The following UGT1A9 variants were observed in gnomAD, a reference collection of about 807,000 sequenced individuals.
The protein encoded by UGT1A9 is UDP-glucuronosyltransferase 1A9.
A neutral mutation model predicts 45.0 loss-of-function variants in UGT1A9; 35 were observed. The observed-to-expected ratio is 0.78, with a 90% CI of 0.59 to 1.03. UGT1A9 has a LOEUF of 1.03. UGT1A9 is among the 50% of genes least tolerant of loss of function. The pLI is 0.00. For missense variants in UGT1A9, 687 were observed against 666.6 expected (o/e 1.03, Z -0.34); for synonymous variants, 278 against 250.6 (o/e 1.11, Z -1.03).
chr2:233,718,959 G>T (rs2076705502), intron 1 of UGT1A9: 9 of 1,614,212 alleles, frequency 5.6e-6, no homozygotes, highest in Non-Finnish European at 7.6e-6. Flanking sequence ...CATGCGGGAG[G>T]CCTTGCGGGA....
At chr2:233,724,599 T>C (rs1249789503) in intron 1 of UGT1A9, among the ~76,000 whole-genome samples, 2 of 100,788 alleles carry the variant, frequency 2.0e-5, no homozygotes, top group Non-Finnish European at 4.0e-5. Context: ...TCTCAGACGA[T>C]GGGCGGCCGG....
chr2:233,712,801 T>G (rs903788650), intron 1 of UGT1A9, among the ~76,000 whole-genome samples: 3 of 152,228 alleles, frequency 2.0e-5, no homozygotes, highest in Non-Finnish European at 4.4e-5. Flanking sequence ...GATCGGTCTT[T>G]CCCAGGGTGG....
In UGT1A9 at chr2:233,672,028, C is replaced by T. The variant is rs1359293949; in HGVS notation, c.94C>T (p.Pro32Ser). ...CGAGGCAGGGAAGCTACTGGTAGTG[C>T]CCATGGATGGGAGCCACTGGTTCAC... ...FAEAGKLLVV[P>S]MDGSHWFTMR... The change falls in exon 1 of 5, where the codon CCC becomes TCC. Residue 32 changes from proline to serine, a missense_variant. Coordinates refer to ENST00000354728, the MANE Select transcript of UGT1A9 (RefSeq NM_021027.3). 2 of 1,614,004 alleles carry T rather than the reference C, an allele frequency of 1.2e-6. No homozygotes were observed. Among genetic ancestry groups the T allele is most frequent in the African/African-American group, 1.3e-5 (1 of 74,906 alleles).
Position 233,769,751 on chromosome 2 carries a change from AG to A in UGT1A9, c.1295+1314del. 1 of 1,422,830 alleles carries A rather than the reference AG, an allele frequency of 7.0e-7. No homozygotes were observed. Among genetic ancestry groups the A allele is most frequent in the South Asian group, 1.5e-5 (1 of 65,502 alleles). 88.1% of individuals were successfully genotyped at this position (1,422,830 alleles called of 1,614,324 possible). On this transcript the variant is annotated intron_variant, in intron 4 of 4. Coordinates refer to ENST00000354728, the MANE Select transcript of UGT1A9 (RefSeq NM_021027.3). This position sits in a 1 kb window ranked among gnomAD's most constrained non-coding sequence, Gnocchi z 4.4. ...ACGCCTGTAGTCCCAGCCACTCTGGAGGCTAAGGCGGGAGGATTGCTTGAGC... is the reference window on the plus strand; with the variant it reads ...ACGCCTGTAGTCCCAGCCACTCTGGAGCTAAGGCGGGAGGATTGCTTGAGC...
intron 1 of UGT1A9, chr2:233,690,479 G>A (rs1407295100): frequency 5.4e-6 from 7 of 1,288,496 alleles, no homozygotes; most frequent in Non-Finnish European, 7.1e-6. Context: ...TTTACTTTTT[G>A]GGAAATCTGC....
At position 233,772,260 on chromosome 2, in the gene UGT1A9, A is replaced by G; in HGVS notation, c.1296-2A>G. 1 of 1,614,264 alleles carries G rather than the reference A, an allele frequency of 6.2e-7. No homozygotes were observed. Among genetic ancestry groups the G allele is most frequent in the Non-Finnish European group, 8.5e-7 (1 of 1,180,050 alleles). ...GCATAACGAAACTGTCTTTGTGTTT[A>G]GTTACAAGGAGAACATCATGCGCCT... On this transcript the variant is annotated splice_acceptor_variant, in intron 4 of 4. Transcript: ENST00000354728. LOFTEE classifies it high-confidence loss of function.
rs574418679 is a variant in UGT1A9 at position 233,719,623 on chromosome 2, C to T, written c.855+46834C>T. 4.0e-5 allele frequency: 64 copies of T among 1,614,006 alleles called. No individual in the cohort carries two copies. The highest frequency in any genetic ancestry group is 2.3e-4 in the African/African-American group (17 of 75,004). On this transcript the variant is annotated intron_variant, in intron 1 of 4. Transcript: ENST00000354728. ...GACTTTGTGATGGACTACCCCAGGC[C>T]GATCATGCCCAACATGGTCTTCATT...
At chr2:233,694,411 A>G (rs193114537) in intron 1 of UGT1A9, among the ~76,000 whole-genome samples, 1 of 152,274 alleles carries the variant, frequency 6.6e-6, no homozygotes, top group Admixed American at 6.5e-5. Context: ...GTGCCACAGA[A>G]GTATTTGGTC....
At chr2:233,734,487 G>T (rs1258869591) in intron 1 of UGT1A9, among the ~76,000 whole-genome samples, 1 of 151,866 alleles carries the variant, frequency 6.6e-6, no homozygotes, top group East Asian at 1.9e-4. Flanking sequence ...TGATTTTTTT[G>T]AAGGTTTTTT....
Position 233,712,532 on chromosome 2 carries a change from A to G in UGT1A9, c.855+39743A>G, listed in dbSNP as rs541231437. Among the ~76,000 whole-genome samples, 17 of 152,328 alleles carry G rather than the reference A, an allele frequency of 1.1e-4. No homozygotes were observed. The South Asian group carries it at 3.5e-3, about 32-fold the overall frequency. The stretch of plus-strand genomic sequence containing the variant: ...GCATTTTGGATGTGCTGTGTTACCC[A>G]TATGTGGGAAGAAAGAGTATTAAGA... On this transcript the variant is annotated intron_variant, in intron 1 of 4. Coordinates refer to ENST00000354728, the MANE Select transcript of UGT1A9 (RefSeq NM_021027.3).
chr2:233,749,297 T>C (rs761343175), intron 1 of UGT1A9, among the ~76,000 whole-genome samples: 35 of 151,972 alleles, frequency 2.3e-4, no homozygotes, highest in Non-Finnish European at 4.0e-4. Flanking sequence ...TATTCAATTA[T>C]AAAATATGTG....
chr2:233,771,399 T>C (rs972051776), intron 4 of UGT1A9: 1 of 152,180 alleles, frequency 6.6e-6, no homozygotes, highest in African/African-American at 2.4e-5. Flanking sequence ...GATTGGGCAA[T>C]GAACACTGTC....
chr2:233,771,969 G>T (rs1040138861), intron 4 of UGT1A9, among the ~76,000 whole-genome samples: 1 of 152,096 alleles, frequency 6.6e-6, no homozygotes, highest in Non-Finnish European at 1.5e-5. Context: ...TTAAAAATTG[G>T]CCAGACATAG....
At chr2:233,709,178 C>T (rs1251204225) in intron 1 of UGT1A9, among the ~76,000 whole-genome samples, 1 of 152,082 alleles carries the variant, frequency 6.6e-6, no homozygotes, top group Non-Finnish European at 1.5e-5. Flanking sequence ...ATGTTCTATC[C>T]TGAGCTGGGA....
chr2:233,696,680 A>T (rs1341129173), intron 1 of UGT1A9, among the ~76,000 whole-genome samples: 1 of 152,208 alleles, frequency 6.6e-6, no homozygotes, highest in Admixed American at 6.5e-5. Context: ...CAGTGCTGAC[A>T]GTCAGCATCT....
chr2:233,693,292 C>T, intron 1 of UGT1A9: 1 of 1,614,114 alleles, frequency 6.2e-7, no homozygotes, highest in Non-Finnish European at 8.5e-7. Flanking sequence ...CATTTGGAAA[C>T]AATCACTTTG....
chr2:233,693,624 A>C, intron 1 of UGT1A9: 1 of 1,614,160 alleles, frequency 6.2e-7, no homozygotes, highest in Non-Finnish European at 8.5e-7. Context: ...ACTTTTTCCC[A>C]ACGAGTGGCC....
intron 1 of UGT1A9, among the ~76,000 whole-genome samples, chr2:233,704,027 A>T (rs1383709873): frequency 6.6e-6 from 1 of 152,010 alleles, no homozygotes; most frequent in Non-Finnish European, 1.5e-5. Flanking sequence ...AGCAGCTGGA[A>T]CTACAGGTGT....
At chr2:233,733,123 G>A (rs1024576772) in intron 1 of UGT1A9, among the ~76,000 whole-genome samples, 1 of 152,178 alleles carries the variant, frequency 6.6e-6, no homozygotes. Context: ...TGTTATTGGT[G>A]TATAGGAATG....
Sources: gnomAD v4.1 joint callset for allele counts (sites outside exome capture counted in the v4.1 genomes callset) on GRCh38, gnomAD v4.1.1 for gene constraint, Gnocchi (gnomAD v3.1) non-coding constraint, MANE v1.5 for transcripts, NCBI Gene and HGNC (gene_info 2026-07-23, HGNC 2026-07-21) for gene names.